Variants in SFMBT2 observed in about 807,000 individuals in gnomAD.
The protein encoded by SFMBT2 is Scm like with four mbt domains 2, also known as scm-like with four MBT domains protein 2.
A neutral mutation model predicts 110.1 loss-of-function variants in SFMBT2; 38 were observed. The observed-to-expected ratio is 0.35, with a 90% CI of 0.27 to 0.45. The LOEUF (loss-of-function observed/expected upper bound fraction) is 0.45, where lower values mean the gene tolerates loss of function less well. Among genes scored for constraint, SFMBT2 ranks in the 20% least tolerant of loss-of-function variants. SFMBT2 has a pLI of 1.00. For missense variants in SFMBT2, 1,011 were observed against 1,094.9 expected, an observed-to-expected ratio of 0.92 and a Z score of 1.08; for synonymous variants, 425 against 425.4, an observed-to-expected ratio of 1.00 and a Z score of 0.01.
chr10:7,328,135 T>A, intron 4 of SFMBT2, among the ~76,000 whole-genome samples: 1 of 152,214 alleles, frequency 6.6e-6, no homozygotes, highest in East Asian at 1.9e-4. Context: ...TGTCGACACT[T>A]GATATTGTCA....
At chr10:7,291,190 C>T (rs1308065435) in intron 4 of SFMBT2, among the ~76,000 whole-genome samples, 3 of 152,330 alleles carry the variant, frequency 2.0e-5, no homozygotes, top group Middle Eastern at 3.4e-3. Flanking sequence ...CAGGCCTACC[C>T]ATTCTCTGAG....
At chr10:7,255,106 C>A (rs1840954215) in intron 7 of SFMBT2, among the ~76,000 whole-genome samples, 1 of 152,096 alleles carries the variant, frequency 6.6e-6, no homozygotes, top group Non-Finnish European at 1.5e-5. Flanking sequence ...TCTAATCACC[C>A]CAGACCACTT....
chr10:7,210,167 C>G (rs1839291976), intron 11 of SFMBT2, among the ~76,000 whole-genome samples: 1 of 152,158 alleles, frequency 6.6e-6, no homozygotes, highest in African/African-American at 2.4e-5. Flanking sequence ...GCTCTCACTG[C>G]AAACACACCA....
At chr10:7,319,937 AC>A (rs1843129774) in intron 4 of SFMBT2, among the ~76,000 whole-genome samples, 2 of 151,758 alleles carry the variant, frequency 1.3e-5, no homozygotes, top group African/African-American at 2.4e-5. Context: ...ACTGAGAGAG[AC>A]ACAGAGACTG....
At chr10:7,300,266 C>T (rs777196301) in intron 4 of SFMBT2, among the ~76,000 whole-genome samples, 12 of 150,628 alleles carry the variant, frequency 8.0e-5, no homozygotes, top group Non-Finnish European at 1.5e-4. Flanking sequence ...CAAACCTGCA[C>T]GTTCTGCACA....
At chr10:7,298,899 A>G (rs1842485103) in intron 4 of SFMBT2, among the ~76,000 whole-genome samples, 2 of 152,172 alleles carry the variant, frequency 1.3e-5, no homozygotes, top group Admixed American at 1.3e-4. Context: ...TACTGCATAG[A>G]AAATATTATT....
chr10:7,214,476 A>C (rs1839464960), intron 11 of SFMBT2: 2 of 821,140 alleles, frequency 2.4e-6, no homozygotes, highest in Non-Finnish European at 2.9e-6. Flanking sequence ...AGAGTGACGC[A>C]TTTCTTAAGA....
In SFMBT2 at chr10:7,188,494, A is replaced by G. The variant is rs1838495691; in HGVS notation, c.1808+130T>C. 6.1e-6 allele frequency: 4 copies of G among 655,162 alleles called. No homozygotes were observed. In the South Asian group the frequency reaches 9.7e-5, roughly 16 times the overall value. The allele number at this position is 655,162 out of a possible 1,614,324, so 40.6% of individuals were successfully genotyped here. A position where few individuals can be genotyped will look rare whatever the true frequency, so the allele number is the denominator to read the frequency against. On this transcript the variant is annotated intron_variant, in intron 16 of 20. Transcript: ENST00000397167. ...CAAGAAATTTACGTGTCGCCCATAG[A>G]ACTGCAGAACGAACGTCCTTCAGTT...
At chr10:7,374,737 TA>T (rs1845153786) in intron 2 of SFMBT2, among the ~76,000 whole-genome samples, 1 of 152,156 alleles carries the variant, frequency 6.6e-6, no homozygotes, top group Non-Finnish European at 1.5e-5. Flanking sequence ...GAATGGGATT[TA>T]AAAAAACTCA....
intron 4 of SFMBT2, among the ~76,000 whole-genome samples, chr10:7,290,905 C>A (rs1480763642): frequency 6.6e-6 from 1 of 152,224 alleles, no homozygotes; most frequent in Non-Finnish European, 1.5e-5. Context: ...ATTAGCATCA[C>A]TTTTTCAGAA....
At chr10:7,251,342 C>T (rs1243093701) in intron 7 of SFMBT2, among the ~76,000 whole-genome samples, 3 of 151,992 alleles carry the variant, frequency 2.0e-5, no homozygotes, top group Non-Finnish European at 2.9e-5. Flanking sequence ...AATGTGGTGG[C>T]AGAAGCCTGT....
chr10:7,213,016 TG>T (rs1839402329), intron 11 of SFMBT2, among the ~76,000 whole-genome samples: 1 of 150,788 alleles, frequency 6.6e-6, no homozygotes, highest in African/African-American at 2.4e-5. Context: ...CACTCATAAG[TG>T]GAAGCTGAAC....
In SFMBT2 at chr10:7,283,893, T is replaced by C. The variant is rs1259615005; in HGVS notation, c.772+11A>G. 1 of 1,550,384 alleles carries C rather than the reference T, an allele frequency of 6.5e-7. No individual in the cohort carries two copies. The highest frequency in any genetic ancestry group is 1.1e-5 in the South Asian group (1 of 89,568). On this transcript the variant is annotated intron_variant, in intron 6 of 20. Coordinates refer to ENST00000397167, the MANE Select transcript of SFMBT2 (RefSeq NM_001387889.1). Reference sequence around the variant, plus strand: ...AAAATACTTTACAGCAGCAAAAGCTTTGGCCCTTACCTGAAGGTGGGTCCA... The same window carrying C: ...AAAATACTTTACAGCAGCAAAAGCTCTGGCCCTTACCTGAAGGTGGGTCCA...
In SFMBT2 at chr10:7,172,563, G is replaced by A. The variant is rs370491896; in HGVS notation, c.2083C>T (p.Arg695Trp). The A allele has an allele frequency of 1.4e-5, 23 of 1,614,196 alleles. No individual in the cohort carries two copies. In the African/African-American group the frequency reaches 2.1e-4, roughly 15 times the overall value. The change falls in exon 18 of 21, where the codon CGG (arginine) becomes TGG (tryptophan). Residue 695 changes from arginine to tryptophan, a missense_variant. Arg to Trp is a moderately radical substitution (Grantham distance 101, BLOSUM62 -3). This residue lies in a region of SFMBT2 where 979 missense variants were observed against 1,016.1 expected (regional missense o/e 0.96). Transcript: ENST00000397167. This position sits in a 1 kb window ranked among gnomAD's most constrained non-coding sequence, Gnocchi z 4.6. ...TTCTTCTGCACGAAAATGGATTTCC[G>A]TCGCTTCCTCCGCCTGGCGGGTTTG... ...HPKPARRRKR[R>W]KSIFVQKKRR...
chr10:7,233,532 T>C (rs981841503), intron 9 of SFMBT2, among the ~76,000 whole-genome samples: 4 of 152,224 alleles, frequency 2.6e-5, no homozygotes, highest in Admixed American at 6.5e-5. Context: ...TAGTTTTCAG[T>C]TCCACCTCCC....
intron 4 of SFMBT2, among the ~76,000 whole-genome samples, chr10:7,311,131 C>T: frequency 8.5e-6 from 1 of 117,112 alleles, no homozygotes; most frequent in East Asian, 3.6e-4. Context: ...CAAAGTTTCC[C>T]CTAAAAAAAA....
chr10:7,406,242 A>C (rs1218052377), intron 1 of SFMBT2, among the ~76,000 whole-genome samples: 1 of 152,076 alleles, frequency 6.6e-6, no homozygotes, highest in Non-Finnish European at 1.5e-5. Context: ...TTTTGTTCAA[A>C]TTATTTAAAA....
chr10:7,378,981 A>C (rs1385221703), intron 2 of SFMBT2, among the ~76,000 whole-genome samples: 1 of 152,116 alleles, frequency 6.6e-6, no homozygotes, highest in Non-Finnish European at 1.5e-5. Context: ...GGCTCAAGTC[A>C]CTTCACCTTG....
chr10:7,259,118 T>C (rs1409159569), intron 7 of SFMBT2, among the ~76,000 whole-genome samples: 3 of 152,168 alleles, frequency 2.0e-5, no homozygotes, highest in Non-Finnish European at 4.4e-5. Flanking sequence ...ACTGCTGTCA[T>C]GGAAACATGA....
Sources: gnomAD v4.1 joint callset for allele counts (sites outside exome capture counted in the v4.1 genomes callset) on GRCh38, gnomAD v4.1.1 for gene constraint, gnomAD v4.1.1 regional missense constraint, Gnocchi (gnomAD v3.1) non-coding constraint, MANE v1.5 for transcripts, NCBI Gene and HGNC (gene_info 2026-07-23, HGNC 2026-07-21) for gene names.